Variants in VCAN observed in about 807,000 individuals in gnomAD.
VCAN encodes versican core protein.
VCAN carries 44 observed loss-of-function variants against 245.5 expected under a neutral mutation model. That is an observed-to-expected ratio of 0.18 (90% CI 0.14 to 0.23). The LOEUF (loss-of-function observed/expected upper bound fraction) is 0.23. Ranked by LOEUF, VCAN falls within the 10% of genes least tolerant of loss-of-function variation. The pLI is 1.00. For synonymous variants in VCAN, 1,413 were observed against 1,437.0 expected (o/e 0.98, Z 0.38); for missense variants, 3,793 against 4,057.9 (o/e 0.93, Z 1.77).
Position 83,553,530 on chromosome 5 carries a change from C to T in VCAN, c.9652+8C>T. 2 of 1,613,882 alleles carry T rather than the reference C, an allele frequency of 1.2e-6. No homozygotes were observed. On this transcript the variant is annotated splice_region_variant and intron_variant, in intron 11 of 14. Coordinates refer to ENST00000265077, the MANE Select transcript of VCAN (RefSeq NM_004385.5). ...AACAAATGTTTGTTAATCGTATGTA[C>T]CAAATAGATACGAGTTTCCAGGAAC... is the stretch of plus-strand genomic sequence containing the variant.
intron 13 of VCAN, among the ~76,000 whole-genome samples, 179 bp downstream of exon 13, chr5:83,572,739 C>G (rs1051366433): frequency 6.6e-6 from 1 of 152,040 alleles, no homozygotes; most frequent in South Asian, 2.1e-4. Context: ...TTGTTTTCAA[C>G]AATGTTCTCA....
intron 12 of VCAN, among the ~76,000 whole-genome samples, chr5:83,556,630 C>T (rs1026746783): frequency 6.6e-6 from 1 of 152,104 alleles, no homozygotes; most frequent in Non-Finnish European, 1.5e-5. Flanking sequence ...GGATCTGTAT[C>T]TGCAATTGTT....
intron 6 of VCAN, among the ~76,000 whole-genome samples, chr5:83,515,348 G>A (rs1316761028): frequency 6.6e-6 from 1 of 152,228 alleles, no homozygotes; most frequent in African/African-American, 2.4e-5. Context: ...CTCACAGAAT[G>A]TGATTAATTA....
intron 10 of VCAN, among the ~76,000 whole-genome samples, chr5:83,549,234 G>A (rs1747361956): frequency 1.3e-5 from 2 of 152,172 alleles, no homozygotes; most frequent in African/African-American, 4.8e-5. Context: ...TGCATTTACT[G>A]TCTTCCAGGC....
At chr5:83,569,525 G>A (rs1748205459) in intron 12 of VCAN, among the ~76,000 whole-genome samples, 1 of 152,060 alleles carries the variant, frequency 6.6e-6, no homozygotes, top group Non-Finnish European at 1.5e-5. Context: ...ATTCTACTAG[G>A]AGAAAAAAAT....
chr5:83,528,489 T>C (rs949500490), intron 7 of VCAN, among the ~76,000 whole-genome samples: 7 of 152,002 alleles, frequency 4.6e-5, no homozygotes, highest in Admixed American at 2.0e-4. Flanking sequence ...AATACCTTCT[T>C]AGGCCTCACG....
intron 1 of VCAN, among the ~76,000 whole-genome samples, chr5:83,481,034 G>C (rs896487587): frequency 6.6e-6 from 1 of 152,056 alleles, no homozygotes; most frequent in Non-Finnish European, 1.5e-5. Flanking sequence ...GGTTTAGAGA[G>C]ATATAGTATT....
At chr5:83,546,202 C>T (rs140526266) in intron 9 of VCAN, among the ~76,000 whole-genome samples, 1 of 151,568 alleles carries the variant, frequency 6.6e-6, no homozygotes, top group African/African-American at 2.4e-5. Flanking sequence ...AATTGACCCT[C>T]ACACTCCCAT....
rs145625752 is a variant in VCAN, at chr5:83,553,454, G to A, written c.9584G>A (p.Arg3195Gln). ...CGACGCACATGGGATGCAGCTGAACGGGAATGCCGTCTGCAGGGTGCCCAT... is the reference window on the plus strand; with the variant it reads ...CGACGCACATGGGATGCAGCTGAACAGGAATGCCGTCTGCAGGGTGCCCAT... ...AHRRTWDAAE[R>Q]ECRLQGAHLT... Residue 3195 changes from arginine to glutamine, a missense_variant, in exon 11 of 15, where the codon CGG becomes CAG. By Grantham distance (43) the Arg-to-Gln change is conservative. This residue lies in a region of VCAN where 205 missense variants were observed against 321.1 expected (regional missense o/e 0.64). Transcript: ENST00000265077. The A allele has an allele frequency of 5.6e-6, 9 of 1,614,054 alleles. No individual in the cohort carries two copies. Among genetic ancestry groups the A allele is most frequent in the East Asian group, 4.5e-5 (2 of 44,872 alleles).
rs141285463 is a variant in VCAN, at chr5:83,571,653, A to G, written c.9736-763A>G. On this transcript the variant is annotated intron_variant, in intron 12 of 14. Transcript: ENST00000265077. ...TCAACATACATTACACACAAAAAAAATCTGTAATAAGATATACTTTTGAAG... is the reference window on the plus strand; with the variant it reads ...TCAACATACATTACACACAAAAAAAGTCTGTAATAAGATATACTTTTGAAG... Among the ~76,000 whole-genome samples the G allele has an allele frequency of 3.6e-3, 548 of 152,288 alleles. 2 individuals are homozygous for G. The highest frequency in any genetic ancestry group is 0.012 in the African/African-American group (512 of 41,574).
chr5:83,515,605 A>C (rs189391656), intron 6 of VCAN, among the ~76,000 whole-genome samples: 8 of 152,246 alleles, frequency 5.3e-5, no homozygotes, highest in Admixed American at 3.9e-4. Flanking sequence ...CAATCTCCAA[A>C]TTTCTAATTA....
chr5:83,491,072 A>G (rs946864992), intron 3 of VCAN, among the ~76,000 whole-genome samples: 10 of 152,202 alleles, frequency 6.6e-5, no homozygotes, highest in African/African-American at 2.4e-4. Flanking sequence ...AATTTAGTAT[A>G]TTTTTTAAGA....
intron 5 of VCAN, among the ~76,000 whole-genome samples, chr5:83,502,018 A>T (rs1264172485): frequency 2.0e-5 from 3 of 152,104 alleles, no homozygotes; most frequent in Admixed American, 2.0e-4. Flanking sequence ...CTTTTGTTAA[A>T]TTTACTTGTA....
chr5:83,484,407 T>A (rs767251024), intron 2 of VCAN, among the ~76,000 whole-genome samples: 1 of 152,114 alleles, frequency 6.6e-6, no homozygotes, highest in African/African-American at 2.4e-5. Flanking sequence ...TATCAACATC[T>A]ATCCGTGTAT....
At chr5:83,523,405 G>T (rs1448628863) in intron 7 of VCAN, among the ~76,000 whole-genome samples, 1 of 102,180 alleles carries the variant, frequency 9.8e-6, no homozygotes, top group African/African-American at 5.6e-5. Flanking sequence ...CAGGATAGAA[G>T]ATTTTTTTTT....
rs1287296686 is a variant in VCAN at position 83,537,031 on chromosome 5, T to C, written c.4028T>C (p.Ile1343Thr). 1.2e-6 allele frequency: 2 copies of C among 1,603,906 alleles called. No homozygotes were observed. The highest frequency in any genetic ancestry group is 1.7e-5 in the Admixed American group (1 of 58,334). Residue 1343 changes from isoleucine (I) to threonine (T), a missense_variant, in exon 8 of 15, where the codon ATT (isoleucine) becomes ACT (threonine). Physicochemically the swap from Ile to Thr is moderately conservative, Grantham distance 89. This residue lies in a region of VCAN where 3,182 missense variants were observed against 3,250.3 expected (regional missense o/e 0.98). Transcript: ENST00000265077. Reference sequence around the variant, plus strand: ...GGTCGAATGAGTGATTTGAGTGTAATTGGTCATCCAATAGATTCAGAATCT... The same window carrying C: ...GGTCGAATGAGTGATTTGAGTGTAACTGGTCATCCAATAGATTCAGAATCT... ...KTGRMSDLSVIGHPIDSESKE... is the reference protein window; with the variant it reads ...KTGRMSDLSVTGHPIDSESKE...
chr5:83,473,591 C>T (rs1382036158), intron 1 of VCAN, among the ~76,000 whole-genome samples: 1 of 152,156 alleles, frequency 6.6e-6, no homozygotes, highest in Non-Finnish European at 1.5e-5. Flanking sequence ...CCTGCCTTTC[C>T]CGTGCTCCAA....
chr5:83,474,476 G>T (rs988716207), intron 1 of VCAN, among the ~76,000 whole-genome samples: 1 of 152,298 alleles, frequency 6.6e-6, no homozygotes, highest in East Asian at 1.9e-4. Flanking sequence ...AGCGGAGGTG[G>T]TCCAGCCCCG....
intron 5 of VCAN, among the ~76,000 whole-genome samples, chr5:83,510,209 C>T (rs1745609794): frequency 6.6e-6 from 1 of 152,218 alleles, no homozygotes; most frequent in Non-Finnish European, 1.5e-5. Context: ...TAATTTCTCT[C>T]TCCCTTCTTC....
Sources: allele counts gnomAD v4.1 joint callset (sites outside exome capture counted in the v4.1 genomes callset), GRCh38; gene constraint gnomAD v4.1.1; regional missense constraint gnomAD v4.1.1; transcripts MANE v1.5; gene names NCBI Gene and HGNC (gene_info 2026-07-23, HGNC 2026-07-21).